The following CNTNAP2 variants were observed in gnomAD, a reference collection of about 807,000 sequenced individuals.
CNTNAP2 encodes the protein contactin-associated protein-like 2.
A neutral mutation model predicts 155.2 loss-of-function variants in CNTNAP2; 98 were observed. The observed-to-expected ratio is 0.63, with a 90% CI of 0.54 to 0.75. CNTNAP2 has a LOEUF of 0.75. Among genes scored for constraint, CNTNAP2 ranks in the 30% least tolerant of loss-of-function variants. The pLI, the probability that CNTNAP2 is intolerant of heterozygous loss-of-function variation, is 0.00. For missense variants in CNTNAP2, 1,727 were observed against 1,688.1 expected, an observed-to-expected ratio of 1.02 and a Z score of -0.40; for synonymous variants, 651 against 631.2, an observed-to-expected ratio of 1.03 and a Z score of -0.47.
chr7:147,105,586 G>T (rs2129278873), intron 4 of CNTNAP2, among the ~76,000 whole-genome samples: 1 of 152,094 alleles, frequency 6.6e-6, no homozygotes, highest in East Asian at 1.9e-4. Context: ...GAATATCCCA[G>T]ACTTTTTAAA....
intron 1 of CNTNAP2, among the ~76,000 whole-genome samples, chr7:146,197,626 C>G (rs954232807): frequency 2.0e-5 from 3 of 152,066 alleles, no homozygotes; most frequent in African/African-American, 7.2e-5. Flanking sequence ...AACTTTAAGC[C>G]AATATTTAAT....
intron 9 of CNTNAP2, among the ~76,000 whole-genome samples, chr7:147,356,232 A>G (rs553482305): frequency 6.6e-6 from 1 of 152,298 alleles, no homozygotes; most frequent in East Asian, 1.9e-4. Flanking sequence ...ATAAAATTCA[A>G]CACCCCTTCA....
intron 1 of CNTNAP2, among the ~76,000 whole-genome samples, chr7:146,630,748 C>T (rs1409812324): frequency 6.6e-6 from 1 of 151,848 alleles, no homozygotes; most frequent in Non-Finnish European, 1.5e-5. Context: ...GAGCAAAAAT[C>T]ACAAGCATTC....
intron 1 of CNTNAP2, among the ~76,000 whole-genome samples, chr7:146,251,447 C>T (rs1376332258): frequency 1.3e-5 from 2 of 152,232 alleles, no homozygotes; most frequent in African/African-American, 4.8e-5. Context: ...TAAAATGCAT[C>T]TCTTTTCCTT....
intron 13 of CNTNAP2, among the ~76,000 whole-genome samples, chr7:147,669,517 A>T (rs1485919527): frequency 6.6e-6 from 1 of 152,154 alleles, no homozygotes; most frequent in African/African-American, 2.4e-5. Context: ...CTGACCAACT[A>T]TATGCTACCA....
intron 10 of CNTNAP2, among the ~76,000 whole-genome samples, chr7:147,436,259 CCTT>C (rs376455158): frequency 3.9e-5 from 6 of 152,224 alleles, no homozygotes; most frequent in African/African-American, 7.2e-5. Context: ...AGCCAGGGAA[CCTT>C]CTCTCTTGAA....
At chr7:146,222,289 G>T (rs1799219333) in intron 1 of CNTNAP2, among the ~76,000 whole-genome samples, 1 of 152,182 alleles carries the variant, frequency 6.6e-6, no homozygotes, top group Non-Finnish European at 1.5e-5. Context: ...GTACATTTCT[G>T]TAAACTGCTA....
At chr7:147,874,273 G>A (rs920568271) in intron 13 of CNTNAP2, among the ~76,000 whole-genome samples, 1 of 152,348 alleles carries the variant, frequency 6.6e-6, no homozygotes, top group East Asian at 1.9e-4. Context: ...ACTGACCTAG[G>A]AGAGGTTCTC....
chr7:147,585,829 G>C (rs1421781948), intron 12 of CNTNAP2, among the ~76,000 whole-genome samples: 2 of 151,862 alleles, frequency 1.3e-5, no homozygotes, highest in Non-Finnish European at 2.9e-5. Context: ...ATATGTATGT[G>C]TTTATATATA....
chr7:147,849,475 T>G (rs542452354), intron 13 of CNTNAP2, among the ~76,000 whole-genome samples: 2 of 152,252 alleles, frequency 1.3e-5, no homozygotes, highest in East Asian at 3.9e-4. Context: ...TCTGAGGTCA[T>G]CTTATCTGTC....
At chr7:146,556,468 C>T (rs910126512) in intron 1 of CNTNAP2, among the ~76,000 whole-genome samples, 3 of 152,112 alleles carry the variant, frequency 2.0e-5, no homozygotes, top group Non-Finnish European at 4.4e-5. Context: ...TGCAGAACAG[C>T]GTATTATGAT....
At chr7:147,868,101 C>A (rs1223318284) in intron 13 of CNTNAP2, among the ~76,000 whole-genome samples, 1 of 152,074 alleles carries the variant, frequency 6.6e-6, no homozygotes, top group Non-Finnish European at 1.5e-5. Context: ...TACCTTTGGT[C>A]TATGTGATGG....
chr7:148,383,842 C>A lies in CNTNAP2; in HGVS notation c.3669C>A (p.Pro1223=), dbSNP rs769335032. The change falls in exon 22 of 24, where the codon CCC becomes CCA. Residue 1223 remains proline, a synonymous_variant. Transcript: ENST00000361727. ...GGGCCTCGCCGCTGACCCTCTCCCCCATGTCGTCCGCCACCGACCCCTGGC... is the reference window on the plus strand; with the variant it reads ...GGGCCTCGCCGCTGACCCTCTCCCCAATGTCGTCCGCCACCGACCCCTGGC... ...NCGASPLTLS[P]MSSATDPWHL... 6.2e-7 allele frequency: 1 copy of A among 1,614,032 alleles called. No individual in the cohort carries two copies. The highest frequency in any genetic ancestry group is 1.7e-5 in the Admixed American group (1 of 60,014).
chr7:147,247,490 ATCT>A (rs1463353605), intron 8 of CNTNAP2, among the ~76,000 whole-genome samples: 3 of 152,172 alleles, frequency 2.0e-5, no homozygotes, highest in Non-Finnish European at 4.4e-5. Flanking sequence ...ATTTGAAAAC[ATCT>A]TCTATGGATT....
chr7:147,983,293 T>C (rs1338323732), intron 15 of CNTNAP2, among the ~76,000 whole-genome samples: 2 of 152,108 alleles, frequency 1.3e-5, no homozygotes, highest in Non-Finnish European at 2.9e-5. Flanking sequence ...AAAATTTATT[T>C]ATCTCCTTTT....
rs181910474 is a variant in CNTNAP2 at position 147,726,830 on chromosome 7, C to T, written c.2098+87524C>T. Among the ~76,000 whole-genome samples the T allele has an allele frequency of 2.0e-3, 302 of 151,990 alleles. 3 individuals are homozygous for T. The highest frequency in any genetic ancestry group is 0.013 in the Admixed American group (198 of 15,236). ...TATATTTTATTTTCACATTGAAAATCGGTCAGACTTGCTTCAGCCTCAAAG... is the reference window on the plus strand; with the variant it reads ...TATATTTTATTTTCACATTGAAAATTGGTCAGACTTGCTTCAGCCTCAAAG... On this transcript the variant is annotated intron_variant, in intron 13 of 23. Coordinates refer to ENST00000361727, the MANE Select transcript of CNTNAP2 (RefSeq NM_014141.6).
At chr7:146,973,319 C>T (rs922580213) in intron 3 of CNTNAP2, among the ~76,000 whole-genome samples, 8 of 152,278 alleles carry the variant, frequency 5.3e-5, no homozygotes, top group South Asian at 2.1e-4. Context: ...TGAGCCACCG[C>T]GCCTGGCCCA....
chr7:147,499,294 C>G (rs184192505), intron 11 of CNTNAP2, among the ~76,000 whole-genome samples: 11 of 151,872 alleles, frequency 7.2e-5, no homozygotes, highest in African/African-American at 2.2e-4. Flanking sequence ...TTTGGGAGGC[C>G]GAGGTGGGTA....
chr7:146,840,024 A>AT, intron 3 of CNTNAP2, 120 bp downstream of exon 3: 1 of 1,193,508 alleles, frequency 8.4e-7, no homozygotes, highest in East Asian at 2.5e-5. Flanking sequence ...TTGGGAAACT[A>AT]TTTATTCATC....
Sources: allele counts gnomAD v4.1 joint callset (sites outside exome capture counted in the v4.1 genomes callset), GRCh38; gene constraint gnomAD v4.1.1; transcripts MANE v1.5; gene names NCBI Gene and HGNC (gene_info 2026-07-23, HGNC 2026-07-21).